The following SYCP2L variants were observed in gnomAD, a reference collection of about 807,000 sequenced individuals.
SYCP2L encodes the protein synaptonemal complex protein 2-like.
In SYCP2L, 98 loss-of-function variants were observed where a neutral mutation model predicts 125.8. The ratio of observed to expected loss-of-function variants is 0.78; its 90% confidence interval spans 0.66 to 0.92. The LOEUF (loss-of-function observed/expected upper bound fraction) is 0.92. Ranked by LOEUF, SYCP2L falls within the 40% of genes least tolerant of loss-of-function variation. SYCP2L has a pLI of 0.00. For synonymous variants in SYCP2L, 317 were observed against 325.4 expected (o/e 0.97, Z 0.28); for missense variants, 842 against 936.4 (o/e 0.90, Z 1.32).
chr6:10,902,330 T>A (rs1780392009), intron 6 of SYCP2L, among the ~76,000 whole-genome samples: 1 of 152,118 alleles, frequency 6.6e-6, no homozygotes, highest in Non-Finnish European at 1.5e-5. Flanking sequence ...CAAGTTCTTC[T>A]TAGAAGAAGA....
intron 23 of SYCP2L, among the ~76,000 whole-genome samples, chr6:10,947,311 C>T (rs79356362): frequency 0.042 from 6,412 of 151,848 alleles, 467 homozygotes; most frequent in African/African-American, 0.15. Context: ...CCAAGTTGAT[C>T]AAGTTACTTA....
At position 10,908,965 on chromosome 6, in the gene SYCP2L, G is replaced by T. The variant is rs537525159; in HGVS notation, c.820-1183G>T. 5.9e-5 allele frequency among the ~76,000 whole-genome samples: 9 copies of T among 152,244 alleles called. No homozygotes were observed. The South Asian group carries it at 1.9e-3, about 32-fold the overall frequency. On this transcript the variant is annotated intron_variant, in intron 10 of 29. Coordinates refer to ENST00000283141, the MANE Select transcript of SYCP2L (RefSeq NM_001040274.3). ...GAGAACTCAGTGAGAGAAACTGAAA[G>T]GTCCAGGGCTGTTGTAGGCGCTCAC...
Position 10,912,995 on chromosome 6 carries a change from T to C in SYCP2L, c.1072+68T>C, listed in dbSNP as rs1780636087. ...TTATTTCTGTTGTATATGCAGTGTG[T>C]ATTTATTTAATTCTAGGGCATATTT... is the stretch of plus-strand genomic sequence containing the variant. On this transcript the variant is annotated intron_variant, in intron 14 of 29. Transcript: ENST00000283141. The surrounding 1 kb of genome is among the most constrained non-coding windows in gnomAD (Gnocchi z 4.1). 6.9e-7 allele frequency: 1 copy of C among 1,440,056 alleles called. No homozygotes were observed. Among genetic ancestry groups the C allele is most frequent in the African/African-American group, 1.4e-5 (1 of 71,628 alleles). 89.2% of individuals were successfully genotyped at this position (1,440,056 alleles called of 1,614,324 possible).
At chr6:10,931,329 T>C in intron 19 of SYCP2L, 111 bp from the exon 20 acceptor site, 2 of 996,558 alleles carry the variant, frequency 2.0e-6, no homozygotes, top group Admixed American at 1.9e-5. Context: ...TTCTGGAAGC[T>C]GTAGGAAGTG....
At chr6:10,967,454 G>GGGGTGTGTGTGTGTGTGTGTGTGT (rs56098075) in intron 29 of SYCP2L, among the ~76,000 whole-genome samples, 18 of 138,914 alleles carry the variant, frequency 1.3e-4, no homozygotes, top group South Asian at 2.4e-4. Flanking sequence ...TGGGGTAGAG[G>GGGGTGTGTGTGTGTGTGTGTGTGT]GTGTGTGTGT....
chr6:10,919,397 G>C (rs1471144153), intron 14 of SYCP2L, among the ~76,000 whole-genome samples: 1 of 152,110 alleles, frequency 6.6e-6, no homozygotes, highest in Non-Finnish European at 1.5e-5. Flanking sequence ...GGTACTGGGG[G>C]TTGTCTGTAC....
Position 10,910,184 on chromosome 6 carries a change from C to T in SYCP2L, c.856C>T (p.Leu286Phe). The T allele has an allele frequency of 6.2e-7, 1 of 1,613,758 alleles. No individual in the cohort carries two copies. The highest frequency in any genetic ancestry group is 8.5e-7 in the Non-Finnish European group (1 of 1,179,860). The change falls in exon 11 of 30, where the codon CTT becomes TTT. Residue 286 changes from leucine (L) to phenylalanine (F), a missense_variant. Coordinates refer to ENST00000283141, the MANE Select transcript of SYCP2L (RefSeq NM_001040274.3). ...RRFLNHLNNR[L>F]GDQRRVYSFP... Reference sequence around the variant, plus strand: ...TTTTCTCAATCACCTAAACAACAGACTTGGTGACCAAAGAAGGTAAGTTGT... The same window carrying T: ...TTTTCTCAATCACCTAAACAACAGATTTGGTGACCAAAGAAGGTAAGTTGT...
intron 23 of SYCP2L, among the ~76,000 whole-genome samples, chr6:10,946,473 A>G (rs1311683565): frequency 2.0e-5 from 3 of 152,018 alleles, no homozygotes; most frequent in Non-Finnish European, 4.4e-5. Flanking sequence ...CTTGAATTCC[A>G]TTGGCCTACC....
chr6:10,919,837 G>A (rs1053750020), intron 14 of SYCP2L, among the ~76,000 whole-genome samples: 1 of 152,060 alleles, frequency 6.6e-6, no homozygotes, highest in African/African-American at 2.4e-5. Flanking sequence ...GAGTCATGCA[G>A]GTTGTCAGGG....
intron 2 of SYCP2L, 67 bp downstream of exon 2, chr6:10,891,648 T>C: frequency 3.3e-6 from 3 of 911,146 alleles, no homozygotes; most frequent in South Asian, 1.6e-5. Flanking sequence ...TGTGTGTGTG[T>C]GTGTGTGTGT....
intron 29 of SYCP2L, among the ~76,000 whole-genome samples, chr6:10,964,932 G>A (rs767431629): frequency 2.0e-5 from 3 of 152,190 alleles, no homozygotes; most frequent in Non-Finnish European, 4.4e-5. Flanking sequence ...GAAACAGTGA[G>A]TAAGGGAAGC....
At chr6:10,942,089 T>C (rs556594218) in intron 21 of SYCP2L, among the ~76,000 whole-genome samples, 35 of 135,638 alleles carry the variant, frequency 2.6e-4, no homozygotes, top group African/African-American at 9.9e-4. Flanking sequence ...TAGGTGGGAA[T>C]TGAACAATGA....
Position 10,955,821 on chromosome 6 carries a change from A to G in SYCP2L, c.2057-315A>G, listed in dbSNP as rs543319819. Among the ~76,000 whole-genome samples the G allele has an allele frequency of 3.4e-4, 52 of 152,314 alleles. No homozygotes were observed. The East Asian group carries it at 3.9e-3, about 11-fold the overall frequency. On this transcript the variant is annotated intron_variant, in intron 24 of 29. Transcript: ENST00000283141. ...TCAGAACAGCACCAGACCCCTTGCA[A>G]GCCCTCTGAAGACTGGCACCCAGAA...
chr6:10,946,820 C>T (rs187880788), intron 23 of SYCP2L, among the ~76,000 whole-genome samples: 5 of 151,824 alleles, frequency 3.3e-5, no homozygotes, highest in South Asian at 2.1e-4. Flanking sequence ...AGTCTAAATA[C>T]GTCTAAGATA....
At chr6:10,908,341 G>C (rs1429562771) in intron 10 of SYCP2L, among the ~76,000 whole-genome samples, 1 of 152,314 alleles carries the variant, frequency 6.6e-6, no homozygotes, top group South Asian at 2.1e-4. Context: ...GGCAGCTGCT[G>C]TGATGGCAGG....
Position 10,958,867 on chromosome 6 carries a change from AC to A in SYCP2L, c.2248del (p.Leu750CysfsTer7), listed in dbSNP as rs1781548550. On this transcript the variant is annotated frameshift_variant, in exon 26 of 30. Transcript: ENST00000283141. LOFTEE classifies it high-confidence loss of function. ...TAATAAAACTTTTAAACCAGATGCA[AC>A]TGTTCAGGTAAGTTTTAGGTTTCAA... ...CLIKLLNQMQ[L>X]FRLNKLERFQ... is the part of the protein sequence containing the mutation. 1 of 1,613,802 alleles carries A rather than the reference AC, an allele frequency of 6.2e-7. No individual in the cohort carries two copies. The highest frequency in any genetic ancestry group is 1.7e-5 in the Admixed American group (1 of 59,898).
At chr6:10,906,671 C>T (rs952959768) in intron 9 of SYCP2L, among the ~76,000 whole-genome samples, 3 of 151,160 alleles carry the variant, frequency 2.0e-5, no homozygotes, top group African/African-American at 7.3e-5. Context: ...GATCTCGGCT[C>T]ACTGCAGCCT....
intron 1 of SYCP2L, 90 bp from the exon 2 acceptor site, chr6:10,891,417 AATTTTT>A: frequency 4.2e-6 from 3 of 717,992 alleles, no homozygotes; most frequent in Non-Finnish European, 4.3e-6. Flanking sequence ...ACAAACCTTT[AATTTTT>A]TTTTTTTTTT....
chr6:10,896,311 A>G (rs1469360720), intron 4 of SYCP2L, among the ~76,000 whole-genome samples: 4 of 152,274 alleles, frequency 2.6e-5, no homozygotes, highest in South Asian at 4.2e-4. Context: ...CTGTTAGACA[A>G]TGTGTGACCA....
Sources: gnomAD v4.1 joint callset for allele counts (sites outside exome capture counted in the v4.1 genomes callset) on GRCh38, gnomAD v4.1.1 for gene constraint, Gnocchi (gnomAD v3.1) non-coding constraint, MANE v1.5 for transcripts, NCBI Gene and HGNC (gene_info 2026-07-23, HGNC 2026-07-21) for gene names.